OTUD6B: variants seen among roughly 807,000 people sequenced by gnomAD.
OTUD6B encodes OTU deubiquitinase 6B, also known as deubiquitinase OTUD6B.
Under a neutral mutation model 36.9 loss-of-function variants are expected in OTUD6B, and 41 were observed. The observed-to-expected ratio is 1.11, with a 90% CI of 0.87 to 1.44. The LOEUF (loss-of-function observed/expected upper bound fraction) is 1.44, where lower values mean the gene tolerates loss of function less well. Among genes scored for constraint, OTUD6B ranks in the 40% most tolerant of loss-of-function variants. The probability of loss-of-function intolerance (pLI) is 0.00; values close to 1 mark genes in which losing one functional copy is unlikely to be tolerated. For missense variants in OTUD6B, 356 were observed against 344.8 expected, an observed-to-expected ratio of 1.03 and a Z score of -0.26; for synonymous variants, 114 against 114.2, an observed-to-expected ratio of 1.00 and a Z score of 0.01.
chr8:91,084,587 A>G (rs1586210249), intron 6 of OTUD6B, 197 bp from the exon 7 acceptor site: 1 of 252,116 alleles, frequency 4.0e-6, no homozygotes, highest in Non-Finnish European at 6.3e-6. Flanking sequence ...CAGTGATTGA[A>G]CCAGATCTTG....
At chr8:91,077,754 C>T (rs1166790971) in intron 3 of OTUD6B, among the ~76,000 whole-genome samples, 1 of 151,968 alleles carries the variant, frequency 6.6e-6, no homozygotes, top group African/African-American at 2.4e-5. Flanking sequence ...GAAAAACAAT[C>T]TAGAAGGATG....
rs532949888 is a variant in OTUD6B, at chr8:91,076,094, A to G, written c.315+2183A>G. On this transcript the variant is annotated intron_variant, in intron 3 of 6. Transcript: ENST00000404789. ...TTGAATTCAATTTCTGTATTTTCCAATGAGAAAGCAGAGACCCAAGTTATC... is the reference window on the plus strand; with the variant it reads ...TTGAATTCAATTTCTGTATTTTCCAGTGAGAAAGCAGAGACCCAAGTTATC... 6.6e-5 allele frequency among the ~76,000 whole-genome samples: 10 copies of G among 152,242 alleles called. No homozygotes were observed. In the East Asian group the frequency reaches 7.7e-4, roughly 12 times the overall value.
chr8:91,077,397 C>T (rs1812822429), intron 3 of OTUD6B, among the ~76,000 whole-genome samples: 1 of 151,842 alleles, frequency 6.6e-6, no homozygotes, highest in South Asian at 2.1e-4. Flanking sequence ...TGCTTTTTGC[C>T]TCCAATTTCA....
Position 91,080,700 on chromosome 8 carries a change from A to T in OTUD6B, c.660A>T (p.Val220=). Reference sequence around the variant, plus strand: ...TTCAGAAGTACTGTGAAGATATTGTAAACACAGCTGCATGGGGAGGTCAGC... The same window carrying T: ...TTCAGAAGTACTGTGAAGATATTGTTAACACAGCTGCATGGGGAGGTCAGC... ...EEFQKYCEDI[V]NTAAWGGQLE... The change falls in exon 5 of 7, where the codon GTA becomes GTT. Residue 220 remains valine (V), a synonymous_variant. Transcript: ENST00000404789. 1 of 1,604,424 alleles carries T rather than the reference A, an allele frequency of 6.2e-7. No individual in the cohort carries two copies. Among genetic ancestry groups the T allele is most frequent in the Non-Finnish European group, 8.5e-7 (1 of 1,174,762 alleles).
At chr8:91,084,654 T>A in intron 6 of OTUD6B, 130 bp from the exon 7 acceptor site, 1 of 1,054,064 alleles carries the variant, frequency 9.5e-7, no homozygotes, top group Non-Finnish European at 1.2e-6. Context: ...GTCCACATAG[T>A]CTATTGAGTG....
At chr8:91,077,032 G>T (rs945236122) in intron 3 of OTUD6B, among the ~76,000 whole-genome samples, 1 of 151,972 alleles carries the variant, frequency 6.6e-6, no homozygotes, top group Non-Finnish European at 1.5e-5. Flanking sequence ...ATTCACTTTT[G>T]TTCCAAGGAG....
rs1477662250 is a variant in OTUD6B, at chr8:91,086,353, G to T, written c.*1485G>T. ...GATAGCAAGTAAGTACTTCCTGAAG[G>T]CTTTCCAGTTCAAAAGATTACAAGC... On this transcript the variant is annotated 3_prime_UTR_variant, in exon 7 of 7. Transcript: ENST00000404789. The T allele has an allele frequency of 6.6e-6, 1 of 151,976 alleles. No individual in the cohort carries two copies. The highest frequency in any genetic ancestry group is 1.5e-5 in the Non-Finnish European group (1 of 67,958). The allele number at this position is 151,976 out of a possible 1,614,324, so 9.4% of individuals were successfully genotyped here.
chr8:91,084,716 A>G (rs1812973468), intron 6 of OTUD6B, 68 bp from the exon 7 acceptor site: 2 of 1,245,566 alleles, frequency 1.6e-6, no homozygotes, highest in Non-Finnish European at 2.1e-6. Flanking sequence ...TATATATATA[A>G]TAAGCATATA....
Position 91,071,259 on chromosome 8 carries a change from G to A in OTUD6B, c.204G>A (p.Glu68=). The part of the protein sequence containing the change: ...EMEQKHREEL[E]QLKLTTKENK... ...AACAGAAACATAGAGAGGAACTGGA[G>A]CAATTGAAGCTGACTACTAAGGAGA... The change falls in exon 2 of 7, where the codon GAG becomes GAA. Residue 68 remains glutamate, a synonymous_variant. Transcript: ENST00000404789. 6.2e-7 allele frequency: 1 copy of A among 1,613,568 alleles called. No individual in the cohort carries two copies. The highest frequency in any genetic ancestry group is 2.2e-5 in the East Asian group (1 of 44,864).
chr8:91,082,510 C>T (rs1165443889), intron 5 of OTUD6B, among the ~76,000 whole-genome samples: 6 of 151,930 alleles, frequency 3.9e-5, no homozygotes, highest in Admixed American at 2.6e-4. Flanking sequence ...AGTAGCTGCA[C>T]CACCATGCCT....
chr8:91,080,493 T>C, intron 4 of OTUD6B, 176 bp from the exon 5 acceptor site: 1 of 809,270 alleles, frequency 1.2e-6, no homozygotes. Context: ...GGTAGAAAGT[T>C]GGGGTGAATT....
At chr8:91,075,069 AAT>A (rs1346481297) in intron 3 of OTUD6B, among the ~76,000 whole-genome samples, 1 of 152,034 alleles carries the variant, frequency 6.6e-6, no homozygotes, top group African/African-American at 2.4e-5. Context: ...ACCTAAAAGC[AAT>A]GTCTTTTTCT....
intron 5 of OTUD6B, among the ~76,000 whole-genome samples, chr8:91,082,813 G>A (rs1456901760): frequency 5.5e-5 from 8 of 144,488 alleles, no homozygotes; most frequent in Non-Finnish European, 7.5e-5. Flanking sequence ...GTACAGTGGC[G>A]TGATCTTGGC....
intron 4 of OTUD6B, 171 bp from the exon 5 acceptor site, chr8:91,080,498 T>C (rs1204084848): frequency 2.3e-6 from 2 of 852,050 alleles, no homozygotes; most frequent in Admixed American, 1.2e-4. Flanking sequence ...AAAGTTGGGG[T>C]GAATTAAGTT....
intron 3 of OTUD6B, among the ~76,000 whole-genome samples, chr8:91,075,600 A>T (rs1812789804): frequency 6.6e-6 from 1 of 152,116 alleles, no homozygotes; most frequent in South Asian, 2.1e-4. Flanking sequence ...TTTGTCAGTT[A>T]TACTCTCAAA....
chr8:91,081,655 G>A (rs559328198), intron 5 of OTUD6B, among the ~76,000 whole-genome samples: 1 of 147,402 alleles, frequency 6.8e-6, no homozygotes, highest in African/African-American at 2.4e-5. Flanking sequence ...AGTGCCAGAT[G>A]GATGAACCTA....
intron 5 of OTUD6B, among the ~76,000 whole-genome samples, chr8:91,081,011 A>T (rs1222468790): frequency 6.6e-6 from 1 of 152,188 alleles, no homozygotes; most frequent in African/African-American, 2.4e-5. Flanking sequence ...TCATCGTGAT[A>T]GTAGTATTGG....
chr8:91,084,532 T>A (rs1171223030), intron 6 of OTUD6B: 1 of 156,974 alleles, frequency 6.4e-6, no homozygotes, highest in African/African-American at 2.4e-5. Flanking sequence ...AGATGACAAT[T>A]TAAGCTGATT....
rs757566365 is a variant in OTUD6B, at chr8:91,084,095, A to G, written c.778A>G (p.Lys260Glu). ...CATTATAGTTGGTGAAGAATATTCA[A>G]AAAAACCACTAATACTTGTGTAAGT... ...PPIIVGEEYS[K>E]KPLILVYMRH... The change falls in exon 6 of 7, where the codon AAA becomes GAA. Residue 260 changes from lysine (K) to glutamate (E), a missense_variant. Transcript: ENST00000404789. 2 of 1,548,506 alleles carry G rather than the reference A, an allele frequency of 1.3e-6. No homozygotes were observed. Among genetic ancestry groups the G allele is most frequent in the African/African-American group, 1.4e-5 (1 of 73,660 alleles).
Sources: allele counts gnomAD v4.1 joint callset (sites outside exome capture counted in the v4.1 genomes callset), GRCh38; gene constraint gnomAD v4.1.1; transcripts MANE v1.5; gene names NCBI Gene and HGNC (gene_info 2026-07-23, HGNC 2026-07-21).